The following DHX36 variants were observed in gnomAD, a reference collection of about 807,000 sequenced individuals.
DHX36 encodes the protein DEAH-box helicase 36, also known as ATP-dependent DNA/RNA helicase DHX36.
A neutral mutation model predicts 139.0 loss-of-function variants in DHX36; 50 were observed. The ratio of observed to expected loss-of-function variants is 0.36; its 90% CI spans 0.29 to 0.46. The LOEUF (loss-of-function observed/expected upper bound fraction) is 0.46. Among genes scored for constraint, DHX36 ranks in the 20% least tolerant of loss-of-function variants. The pLI, the probability that DHX36 is intolerant of heterozygous loss-of-function variation, is 1.00. For synonymous variants in DHX36, 425 were observed against 401.9 expected, an observed-to-expected ratio of 1.06 and a Z score of -0.69; for missense variants, 1,024 against 1,211.3, an observed-to-expected ratio of 0.85 and a Z score of 2.29.
rs562990662 is a variant in DHX36, at chr3:154,316,968, G to A, written c.244-805C>T. 9.6e-4 allele frequency among the ~76,000 whole-genome samples: 146 copies of A among 152,132 alleles called. 6 individuals carry two copies. The South Asian group carries it at 0.028, about 29-fold the overall frequency. ...TCCACAGGCAAAAGGAAACACACGC[G>A]GAGTGGTGAAAATTAGAGTGTGTTA... is the stretch of plus-strand genomic sequence containing the variant. On this transcript the variant is annotated intron_variant, in intron 1 of 24. Transcript: ENST00000496811.
chr3:154,280,528 A>C, intron 22 of DHX36, 51 bp downstream of exon 22: 1 of 1,357,750 alleles, frequency 7.4e-7, no homozygotes, highest in South Asian at 1.2e-5. Flanking sequence ...GCAGATTTCA[A>C]AAGTTTAAGA....
intron 1 of DHX36, 118 bp from the exon 2 acceptor site, chr3:154,316,281 A>T (rs1346960189): frequency 3.3e-5 from 44 of 1,336,800 alleles, no homozygotes; most frequent in Admixed American, 1.4e-4. Flanking sequence ...CATATAAAAG[A>T]AAGTTATCCA....
rs772132664 is a variant in DHX36 at position 154,284,999 on chromosome 3, G to A, written c.2032-12C>T. On this transcript the variant is annotated splice_polypyrimidine_tract_variant and intron_variant, in intron 17 of 24. Transcript: ENST00000496811. ...TTATCCAAAGCGTTCTGTAAAGGAA[G>A]AGTGTGTGTTTAAAATAGATCCTGT... 11 of 1,613,862 alleles carry A rather than the reference G, an allele frequency of 6.8e-6. No individual in the cohort carries two copies. In the South Asian group the frequency reaches 1.1e-4, roughly 16 times the overall value.
intron 20 of DHX36, among the ~76,000 whole-genome samples, chr3:154,281,943 C>A (rs1421302588): frequency 1.3e-5 from 2 of 152,076 alleles, no homozygotes; most frequent in African/African-American, 4.8e-5. Flanking sequence ...TGTGATTCCC[C>A]TTTTAACTAA....
rs760620287 is a variant in DHX36, at chr3:154,292,620, T to C, written c.1745A>G (p.Asn582Ser). ...CCACTCAGCGGACATTGTACTGATA[T>C]TGTTCTGAGTATCAAAATGCGTCTC... The part of the protein sequence containing the change: ...IKETHFDTQN[N>S]ISTMSAEWVS... Residue 582 changes from asparagine (N) to serine (S), a missense_variant, in exon 15 of 25, where the codon AAT (asparagine) becomes AGT (serine). Transcript: ENST00000496811. The C allele has an allele frequency of 6.2e-5, 100 of 1,613,920 alleles. No homozygotes were observed. Among genetic ancestry groups the C allele is most frequent in the Admixed American group, 2.3e-4 (14 of 59,988 alleles).
At chr3:154,311,282 CT>C (rs956537201) in intron 4 of DHX36, among the ~76,000 whole-genome samples, 37 of 151,980 alleles carry the variant, frequency 2.4e-4, no homozygotes, top group Middle Eastern at 3.4e-3. Context: ...TTTAGTAGTA[CT>C]TTTTTTGTAC....
At chr3:154,280,435 C>T (rs571838702) in intron 22 of DHX36, 144 bp downstream of exon 22, 69 of 627,156 alleles carry the variant, frequency 1.1e-4, no homozygotes, top group Admixed American at 1.8e-4. Flanking sequence ...AAACAGTTCA[C>T]CTTCTCTGAA....
At chr3:154,286,034 A>T (rs1455226663) in intron 17 of DHX36, among the ~76,000 whole-genome samples, 17 of 151,932 alleles carry the variant, frequency 1.1e-4, no homozygotes, top group Non-Finnish European at 1.0e-4. Flanking sequence ...CATCAGTTTA[A>T]CTGAATACAT....
At chr3:154,324,051 C>T in intron 1 of DHX36, 123 bp downstream of exon 1, 3 of 1,142,216 alleles carry the variant, frequency 2.6e-6, no homozygotes, top group Admixed American at 2.3e-5. Flanking sequence ...TATATTTGCG[C>T]CTCATTTACA....
intron 17 of DHX36, among the ~76,000 whole-genome samples, chr3:154,285,329 G>T (rs1711512087): frequency 6.6e-6 from 1 of 152,120 alleles, no homozygotes; most frequent in African/African-American, 2.4e-5. Context: ...TATACATCTG[G>T]AATACATAAT....
chr3:154,277,745 G>A (rs746756484), intron 22 of DHX36, 27 bp from the exon 23 acceptor site: 2 of 1,570,854 alleles, frequency 1.3e-6, no homozygotes, highest in African/African-American at 1.4e-5. Context: ...AATGCAGTTT[G>A]TTAAAAAGAA....
intron 16 of DHX36, 55 bp from the exon 17 acceptor site, chr3:154,289,019 T>C (rs1184399963): frequency 3.4e-6 from 3 of 894,224 alleles, no homozygotes. Context: ...ATATTAGCAT[T>C]ACAACTTAGT....
rs762811159 is a variant in DHX36, at chr3:154,299,924, T to A, written c.1463A>T (p.Asp488Val). Residue 488 changes from aspartate to valine, a missense_variant and splice_region_variant, in exon 12 of 25, where the codon GAT (aspartate) becomes GTT (valine). By Grantham distance (152) the Asp-to-Val change is radical. Coordinates refer to ENST00000496811, the MANE Select transcript of DHX36 (RefSeq NM_020865.3). ...TGGCAGAAAGACCAGTATCGCACCA[T>A]CCTATATGAAGGGGAAATAACCATT... ...LIRYIVLEEEDGAILVFLPGW... is the reference protein window; with the variant it reads ...LIRYIVLEEEVGAILVFLPGW... 1 of 1,609,128 alleles carries A rather than the reference T, an allele frequency of 6.2e-7. No homozygotes were observed. Among genetic ancestry groups the A allele is most frequent in the Non-Finnish European group, 8.5e-7 (1 of 1,175,760 alleles).
intron 23 of DHX36, among the ~76,000 whole-genome samples, chr3:154,277,260 G>A (rs550717371): frequency 6.6e-6 from 1 of 152,146 alleles, no homozygotes; most frequent in East Asian, 1.9e-4. Context: ...TCAACATGCT[G>A]AACAATACTT....
intron 1 of DHX36, 53 bp downstream of exon 1, chr3:154,324,120 GA>G: frequency 6.6e-7 from 1 of 1,521,634 alleles, no homozygotes. Flanking sequence ...GGCAGCGGGA[GA>G]GAGAAGAAAA....
chr3:154,285,752 A>T (rs1308521996), intron 17 of DHX36, among the ~76,000 whole-genome samples: 2 of 152,146 alleles, frequency 1.3e-5, no homozygotes, highest in South Asian at 2.1e-4. Flanking sequence ...AAGAACCCAT[A>T]AGCATCCCAT....
intron 14 of DHX36, among the ~76,000 whole-genome samples, 193 bp downstream of exon 14, chr3:154,293,555 A>G (rs1223415406): frequency 1.3e-5 from 2 of 152,208 alleles, no homozygotes; most frequent in Non-Finnish European, 2.9e-5. Flanking sequence ...GCACTGCAGC[A>G]TGGGTGACAG....
chr3:154,303,277 A>T (rs531965915), intron 9 of DHX36, 52 bp downstream of exon 9: 2 of 1,298,704 alleles, frequency 1.5e-6, no homozygotes. Context: ...GACATGAGAA[A>T]AGTGATATAT....
Position 154,279,491 on chromosome 3 carries a change from G to C in DHX36, c.2567+1088C>G, listed in dbSNP as rs553462670. On this transcript the variant is annotated intron_variant, in intron 22 of 24. Coordinates refer to ENST00000496811, the MANE Select transcript of DHX36 (RefSeq NM_020865.3). The stretch of plus-strand genomic sequence containing the variant: ...CACATACAAAAAAATTTCTGGCCAA[G>C]TATTATTTTGAAAAAGTACTTAGGT... The C allele has an allele frequency of 6.6e-5, 10 of 152,280 alleles. No homozygotes were observed. In the East Asian group the frequency reaches 1.7e-3, roughly 26 times the overall value. 9.4% of individuals were successfully genotyped at this position (152,280 alleles called of 1,614,324 possible). A position where few individuals can be genotyped will look rare whatever the true frequency, so the allele number is the denominator to read the frequency against.
Sources: gnomAD v4.1 joint callset for allele counts (sites outside exome capture counted in the v4.1 genomes callset) on GRCh38, gnomAD v4.1.1 for gene constraint, MANE v1.5 for transcripts, NCBI Gene and HGNC (gene_info 2026-07-23, HGNC 2026-07-21) for gene names.